The following HECW2 variants were observed in gnomAD, a reference collection of about 807,000 sequenced individuals.
The protein encoded by HECW2 is E3 ubiquitin-protein ligase HECW2.
Under a neutral mutation model 175.2 loss-of-function variants are expected in HECW2, and 61 were observed. The observed-to-expected ratio is 0.35, with a 90% CI of 0.28 to 0.43. The LOEUF (loss-of-function observed/expected upper bound fraction) is 0.43, where lower values mean the gene tolerates loss of function less well. Ranked by LOEUF, HECW2 falls within the 20% of genes least tolerant of loss-of-function variation. HECW2 has a pLI of 1.00. For synonymous variants in HECW2, 671 were observed against 731.0 expected, an observed-to-expected ratio of 0.92 and a Z score of 1.32; for missense variants, 1,524 against 2,000.5, an observed-to-expected ratio of 0.76 and a Z score of 4.54.
intron 1 of HECW2, among the ~76,000 whole-genome samples, chr2:196,441,381 A>AACACAC (rs35019279): frequency 0.12 from 18,410 of 151,174 alleles, 1,469 homozygotes; most frequent in African/African-American, 0.22. Context: ...CACACACACA[A>AACACAC]ACACACACAC....
At chr2:196,370,332 G>A (rs1235271513) in intron 2 of HECW2, among the ~76,000 whole-genome samples, 3 of 152,146 alleles carry the variant, frequency 2.0e-5, no homozygotes, top group Non-Finnish European at 4.4e-5. Context: ...GCTAGGGCCT[G>A]GAATGGAAGC....
chr2:196,588,037 C>T (rs1691051141), intron 1 of HECW2, among the ~76,000 whole-genome samples: 1 of 152,200 alleles, frequency 6.6e-6, no homozygotes, highest in African/African-American at 2.4e-5. Flanking sequence ...TCCGTTAACT[C>T]TTTGCTTAAG....
At chr2:196,271,038 C>T (rs1689715516) in intron 17 of HECW2, among the ~76,000 whole-genome samples, 155 bp downstream of exon 17, 1 of 152,092 alleles carries the variant, frequency 6.6e-6, no homozygotes, top group African/African-American at 2.4e-5. Flanking sequence ...GCCAGCACTA[C>T]AATACCTGGT....
intron 2 of HECW2, among the ~76,000 whole-genome samples, chr2:196,426,961 T>G (rs1004722499): frequency 6.6e-6 from 1 of 152,200 alleles, no homozygotes; most frequent in African/African-American, 2.4e-5. Flanking sequence ...TTTTTAAGAC[T>G]GACAGTCAAA....
At chr2:196,429,159 T>C (rs904589780) in intron 2 of HECW2, among the ~76,000 whole-genome samples, 5 of 152,192 alleles carry the variant, frequency 3.3e-5, no homozygotes, top group Non-Finnish European at 7.4e-5. Flanking sequence ...TTAGATCTCA[T>C]GGGCAAGAAC....
intron 1 of HECW2, among the ~76,000 whole-genome samples, chr2:196,588,824 G>A (rs1236896240): frequency 6.6e-6 from 1 of 152,080 alleles, no homozygotes; most frequent in East Asian, 1.9e-4. Flanking sequence ...TTGATCTAAT[G>A]CCCCTTCCAG....
chr2:196,293,616 C>A (rs10497782), intron 13 of HECW2, among the ~76,000 whole-genome samples: 10,629 of 152,264 alleles, frequency 0.07, 428 homozygotes, highest in East Asian at 0.13. Context: ...TACTAAAGAA[C>A]AAACATGTTG....
chr2:196,201,480 ATGAC>A, intron 28 of HECW2, 92 bp from the exon 29 acceptor site: 1 of 700,982 alleles, frequency 1.4e-6, no homozygotes, highest in African/African-American at 1.8e-5. Flanking sequence ...CTGTGTGTGT[ATGAC>A]TGTCTTTCAC....
chr2:196,499,086 G>A (rs1364405689), intron 1 of HECW2, among the ~76,000 whole-genome samples: 2 of 151,972 alleles, frequency 1.3e-5, no homozygotes, highest in Non-Finnish European at 1.5e-5. Context: ...TCTCAGAGAG[G>A]CAAATTTGAG....
chr2:196,576,702 A>T (rs937631650), intron 1 of HECW2, among the ~76,000 whole-genome samples: 7 of 152,206 alleles, frequency 4.6e-5, no homozygotes, highest in Non-Finnish European at 1.0e-4. Flanking sequence ...GATAGATCTT[A>T]AGTGTTCTCA....
intron 1 of HECW2, among the ~76,000 whole-genome samples, chr2:196,464,871 T>C (rs190366736): frequency 3.5e-4 from 53 of 152,196 alleles, no homozygotes; most frequent in Middle Eastern, 3.4e-3. Context: ...TGAAACCCTG[T>C]CTCTACTAAA....
At chr2:196,224,127 G>A (rs918788813) in intron 23 of HECW2, among the ~76,000 whole-genome samples, 5 of 152,122 alleles carry the variant, frequency 3.3e-5, no homozygotes, top group African/African-American at 1.2e-4. Flanking sequence ...AGTAGAACAT[G>A]TACCGTGTGT....
chr2:196,416,771 T>G (rs1011383372), intron 2 of HECW2, among the ~76,000 whole-genome samples: 1 of 152,228 alleles, frequency 6.6e-6, no homozygotes, highest in Non-Finnish European at 1.5e-5. Context: ...AGGGCTTTGT[T>G]GTTATTATTT....
intron 1 of HECW2, among the ~76,000 whole-genome samples, chr2:196,460,764 C>T (rs972053953): frequency 2.7e-5 from 4 of 150,128 alleles, no homozygotes; most frequent in Non-Finnish European, 5.9e-5. Context: ...GCATGCATCA[C>T]CACACCTGGC....
chr2:196,201,743 C>T (rs748714833), intron 28 of HECW2, among the ~76,000 whole-genome samples: 6 of 151,756 alleles, frequency 4.0e-5, no homozygotes, highest in African/African-American at 7.3e-5. Flanking sequence ...TTTTAATACA[C>T]GGACATAAGG....
intron 1 of HECW2, among the ~76,000 whole-genome samples, chr2:196,538,795 G>A (rs1559165547): frequency 6.6e-6 from 1 of 152,062 alleles, no homozygotes; most frequent in African/African-American, 2.4e-5. Flanking sequence ...GATAAGAAAG[G>A]CCAGCTGGCA....
intron 18 of HECW2, among the ~76,000 whole-genome samples, chr2:196,254,819 T>G (rs1688990012): frequency 6.6e-6 from 1 of 152,218 alleles, no homozygotes; most frequent in South Asian, 2.1e-4. Context: ...TGGTATCTCA[T>G]TATTTGAAAC....
intron 1 of HECW2, among the ~76,000 whole-genome samples, chr2:196,520,123 T>A (rs970804012): frequency 1.3e-5 from 2 of 152,244 alleles, no homozygotes; most frequent in African/African-American, 4.8e-5. Context: ...GAAGTTTCGT[T>A]GAAAGTAATG....
intron 2 of HECW2, among the ~76,000 whole-genome samples, chr2:196,393,672 G>A (rs1694578117): frequency 6.6e-6 from 1 of 152,248 alleles, no homozygotes; most frequent in Non-Finnish European, 1.5e-5. Context: ...TGGAGAGGAT[G>A]TGGAGAAATA....
Sources: gnomAD v4.1 joint callset for allele counts (sites outside exome capture counted in the v4.1 genomes callset) on GRCh38, gnomAD v4.1.1 for gene constraint, MANE v1.5 for transcripts, NCBI Gene and HGNC (gene_info 2026-07-23, HGNC 2026-07-21) for gene names.